The following CLSTN2 variants were observed in gnomAD, a reference collection of about 807,000 sequenced individuals.
The protein encoded by CLSTN2 is calsyntenin-2.
Under a neutral mutation model 101.2 loss-of-function variants are expected in CLSTN2, and 48 were observed. That is an observed-to-expected ratio of 0.47 (90% CI 0.38 to 0.60). The LOEUF is 0.60. Ranked by LOEUF, CLSTN2 falls within the 20% of genes least tolerant of loss-of-function variation. The pLI is 0.00. For missense variants in CLSTN2, 1,160 were observed against 1,238.2 expected, an observed-to-expected ratio of 0.94 and a Z score of 0.95; for synonymous variants, 481 against 463.6, an observed-to-expected ratio of 1.04 and a Z score of -0.48.
chr3:140,199,876 ACATTTAATCCAAGC>A (rs2010695858), intron 2 of CLSTN2, among the ~76,000 whole-genome samples: 1 of 152,248 alleles, frequency 6.6e-6, no homozygotes, highest in Non-Finnish European at 1.5e-5. Context: ...GACTTTAATG[ACATTTAATCCAAGC>A]CAAACAGTGT....
chr3:140,094,109 C>T (rs2008827584), intron 1 of CLSTN2, among the ~76,000 whole-genome samples: 1 of 152,206 alleles, frequency 6.6e-6, no homozygotes, highest in Non-Finnish European at 1.5e-5. Flanking sequence ...TCACTAATAT[C>T]CTTTTCATTT....
intron 2 of CLSTN2, among the ~76,000 whole-genome samples, chr3:140,316,758 C>A (rs779193862): frequency 6.6e-6 from 1 of 152,066 alleles, no homozygotes; most frequent in Non-Finnish European, 1.5e-5. Context: ...GCTGTAATTG[C>A]CTTGGAGGCA....
intron 5 of CLSTN2, among the ~76,000 whole-genome samples, chr3:140,425,550 C>T (rs1443605507): frequency 1.3e-5 from 2 of 152,234 alleles, no homozygotes; most frequent in Non-Finnish European, 2.9e-5. Context: ...CTTATCTTCT[C>T]CCTTAGGGCG....
At chr3:140,543,115 G>A (rs1935517826) in intron 9 of CLSTN2, among the ~76,000 whole-genome samples, 1 of 152,170 alleles carries the variant, frequency 6.6e-6, no homozygotes, top group African/African-American at 2.4e-5. Flanking sequence ...ACATGGTGTT[G>A]GGTACATATT....
intron 1 of CLSTN2, among the ~76,000 whole-genome samples, chr3:139,938,594 T>A (rs891848127): frequency 6.6e-6 from 1 of 152,242 alleles, no homozygotes; most frequent in Non-Finnish European, 1.5e-5. Flanking sequence ...GATCACATGC[T>A]CATGTTCTAT....
Position 139,935,805 on chromosome 3 carries a change from G to C in CLSTN2, c.109+322G>C, listed in dbSNP as rs772452219. 1.3e-5 allele frequency among the ~76,000 whole-genome samples: 2 copies of C among 152,076 alleles called. No individual in the cohort carries two copies. Among genetic ancestry groups the C allele is most frequent in the Non-Finnish European group, 2.9e-5 (2 of 67,998 alleles). ...GAGTTTCGAGCTCTGGCCCAGGGACGGCTAGAGCAGGGCGCTGGCGCGCCG... is the reference window on the plus strand; with the variant it reads ...GAGTTTCGAGCTCTGGCCCAGGGACCGCTAGAGCAGGGCGCTGGCGCGCCG... On this transcript the variant is annotated intron_variant, in intron 1 of 16. Transcript: ENST00000458420. The surrounding 1 kb of genome is among the most constrained non-coding windows in gnomAD (Gnocchi z 5.5).
intron 2 of CLSTN2, among the ~76,000 whole-genome samples, chr3:140,342,307 CT>C (rs1471774299): frequency 6.6e-6 from 1 of 152,182 alleles, no homozygotes; most frequent in African/African-American, 2.4e-5. Context: ...AGTTGTGACA[CT>C]GAAAAATGTA....
intron 7 of CLSTN2, among the ~76,000 whole-genome samples, chr3:140,464,959 T>C (rs1189105947): frequency 1.3e-5 from 2 of 152,218 alleles, no homozygotes; most frequent in Non-Finnish European, 2.9e-5. Context: ...TACTTCGTTG[T>C]GTTGCCCTGG....
chr3:140,420,547 A>G (rs898955853), intron 4 of CLSTN2, among the ~76,000 whole-genome samples: 1 of 152,222 alleles, frequency 6.6e-6, no homozygotes, highest in Non-Finnish European at 1.5e-5. Context: ...TCTCTCTTAG[A>G]GAAGAAAAAT....
At position 139,977,544 on chromosome 3, in the gene CLSTN2, C is replaced by G. The variant is rs560030698; in HGVS notation, c.109+42061C>G. Among the ~76,000 whole-genome samples, 79 of 152,258 alleles carry G rather than the reference C, an allele frequency of 5.2e-4. 2 individuals are homozygous for G. Among genetic ancestry groups the G allele is most frequent in the Admixed American group, 2.6e-3 (40 of 15,300 alleles). ...TTTACCCCCTTACTCATGAATGTCT[C>G]AGGAACCTGCTAGATTAAGTATTTT... is the stretch of plus-strand genomic sequence containing the variant. On this transcript the variant is annotated intron_variant, in intron 1 of 16. Coordinates refer to ENST00000458420, the MANE Select transcript of CLSTN2 (RefSeq NM_022131.3).
At chr3:140,042,544 T>C (rs941867075) in intron 1 of CLSTN2, among the ~76,000 whole-genome samples, 2 of 152,198 alleles carry the variant, frequency 1.3e-5, no homozygotes, top group African/African-American at 4.8e-5. Flanking sequence ...ATTATTATAC[T>C]TTAAGTTCTA....
chr3:140,457,705 G>A (rs142553752), intron 6 of CLSTN2, among the ~76,000 whole-genome samples: 292 of 152,328 alleles, frequency 1.9e-3, no homozygotes, highest in Middle Eastern at 3.4e-3. Flanking sequence ...ACCCACCTAA[G>A]CATTGGGTGA....
At chr3:139,964,645 G>A (rs1935563532) in intron 1 of CLSTN2, among the ~76,000 whole-genome samples, 1 of 152,130 alleles carries the variant, frequency 6.6e-6, no homozygotes, top group Non-Finnish European at 1.5e-5. Flanking sequence ...CATTTCCAGG[G>A]CTGAGATGCC....
chr3:140,268,784 C>A lies in CLSTN2; in HGVS notation c.232+92711C>A, dbSNP rs1331822499. On this transcript the variant is annotated intron_variant, in intron 2 of 16. Coordinates refer to ENST00000458420, the MANE Select transcript of CLSTN2 (RefSeq NM_022131.3). ...GCAGTGGGCAGTGGCAGTATATAAT[C>A]TGTGTCCTGGCTTTGATGCTGTACA... 3.3e-5 allele frequency among the ~76,000 whole-genome samples: 5 copies of A among 152,288 alleles called. No homozygotes were observed. In the East Asian group the frequency reaches 7.7e-4, roughly 24 times the overall value.
At chr3:140,346,268 T>C (rs994925289) in intron 2 of CLSTN2, among the ~76,000 whole-genome samples, 2 of 152,204 alleles carry the variant, frequency 1.3e-5, no homozygotes, top group African/African-American at 4.8e-5. Context: ...ATTTGCCAAG[T>C]CCCCTCAGCC....
intron 1 of CLSTN2, among the ~76,000 whole-genome samples, chr3:140,028,659 T>C (rs1485964928): frequency 1.3e-5 from 2 of 152,220 alleles, no homozygotes; most frequent in African/African-American, 4.8e-5. Flanking sequence ...AATGGGCAAC[T>C]GCCTATGGAG....
intron 8 of CLSTN2, among the ~76,000 whole-genome samples, chr3:140,509,636 T>G (rs7614244): frequency 6.8e-6 from 1 of 147,894 alleles, no homozygotes; most frequent in Non-Finnish European, 1.5e-5. Flanking sequence ...AACATTTCCC[T>G]GAGTAATAGT....
chr3:139,948,056 C>G (rs1268252082), intron 1 of CLSTN2, among the ~76,000 whole-genome samples: 2 of 152,110 alleles, frequency 1.3e-5, no homozygotes, highest in Non-Finnish European at 2.9e-5. Flanking sequence ...GGAGAACAAA[C>G]AGAATCATCA....
intron 2 of CLSTN2, among the ~76,000 whole-genome samples, chr3:140,284,320 T>C (rs2086876837): frequency 6.6e-6 from 1 of 152,196 alleles, no homozygotes; most frequent in Non-Finnish European, 1.5e-5. Flanking sequence ...GGGACTGCCA[T>C]AATTGCTTGT....
Sources: gnomAD v4.1 joint callset for allele counts (sites outside exome capture counted in the v4.1 genomes callset) on GRCh38, gnomAD v4.1.1 for gene constraint, Gnocchi (gnomAD v3.1) non-coding constraint, MANE v1.5 for transcripts, NCBI Gene and HGNC (gene_info 2026-07-23, HGNC 2026-07-21) for gene names.